LRRN1: variants seen among roughly 807,000 people sequenced by gnomAD.
The protein encoded by LRRN1 is leucine-rich repeat neuronal protein 1.
In LRRN1, 14 loss-of-function variants were observed where a neutral mutation model predicts 45.8. That is an observed-to-expected ratio of 0.31 (90% CI 0.20 to 0.48). The LOEUF is 0.48. Among genes scored for constraint, LRRN1 ranks in the 20% least tolerant of loss-of-function variants. The probability of loss-of-function intolerance (pLI) is 0.99; values close to 1 mark genes in which losing one functional copy is unlikely to be tolerated. For synonymous variants in LRRN1, 359 were observed against 330.1 expected, an observed-to-expected ratio of 1.09 and a Z score of -0.95; for missense variants, 789 against 874.2, an observed-to-expected ratio of 0.90 and a Z score of 1.23.
At chr3:3,834,580 A>G (rs1444124598) in intron 1 of LRRN1, among the ~76,000 whole-genome samples, 1 of 116,478 alleles carries the variant, frequency 8.6e-6, no homozygotes, top group Non-Finnish European at 1.8e-5. Flanking sequence ...TACATATTAT[A>G]TATCATATTT....
intron 1 of LRRN1, among the ~76,000 whole-genome samples, chr3:3,824,052 G>A (rs1423906066): frequency 6.6e-6 from 1 of 152,158 alleles, no homozygotes; most frequent in Non-Finnish European, 1.5e-5. Context: ...GTACCGTGCT[G>A]CTTCTCAAAC....
intron 1 of LRRN1, among the ~76,000 whole-genome samples, chr3:3,835,952 C>T (rs931021863): frequency 9.9e-5 from 15 of 151,968 alleles, no homozygotes; most frequent in African/African-American, 3.4e-4. Flanking sequence ...GCCTTAAAGC[C>T]ATGTTTTGTT....
intron 1 of LRRN1, among the ~76,000 whole-genome samples, chr3:3,828,650 A>G (rs1693283737): frequency 1.3e-5 from 2 of 152,220 alleles, no homozygotes; most frequent in Admixed American, 1.3e-4. Context: ...TACACCTAAC[A>G]TAACTATCCT....
At chr3:3,831,897 C>G in intron 1 of LRRN1, among the ~76,000 whole-genome samples, 1 of 151,958 alleles carries the variant, frequency 6.6e-6, no homozygotes, top group African/African-American at 2.4e-5. Context: ...TGGGGTAGGA[C>G]AGTAAAGGTA....
rs1325715458 is a variant in LRRN1 at position 3,847,897 on chromosome 3, C to T, written c.*1105C>T. Among the ~76,000 whole-genome samples, 3 of 151,688 alleles carry T rather than the reference C, an allele frequency of 2.0e-5. No homozygotes were observed. The highest frequency in any genetic ancestry group is 2.9e-5 in the Non-Finnish European group (2 of 67,968). ...AGAAAAAAAGGTGTATTGTTGTATC[C>T]CATGCATAAATAAAGGTAAATATAT... On this transcript the variant is annotated 3_prime_UTR_variant, in exon 2 of 2. Transcript: ENST00000319331.
chr3:3,834,528 A>G (rs1693448543), intron 1 of LRRN1, among the ~76,000 whole-genome samples: 1 of 94,278 alleles, frequency 1.1e-5, no homozygotes, highest in African/African-American at 3.9e-5. Flanking sequence ...AGAACAGGAT[A>G]TATATATATA....
intron 1 of LRRN1, among the ~76,000 whole-genome samples, chr3:3,815,356 C>T (rs1216178745): frequency 6.6e-6 from 1 of 152,132 alleles, no homozygotes; most frequent in Non-Finnish European, 1.5e-5. Context: ...GTGTACAGCT[C>T]CCCACCTCCC....
chr3:3,847,953 A>G lies in LRRN1; in HGVS notation c.*1161A>G, dbSNP rs1369094502. Among the ~76,000 whole-genome samples, 1 of 152,136 alleles carries G rather than the reference A, an allele frequency of 6.6e-6. No individual in the cohort carries two copies. Among genetic ancestry groups the G allele is most frequent in the Non-Finnish European group, 1.5e-5 (1 of 68,030 alleles). ...CACCAATATATTCATATATACTCAC[A>G]CACATCCCAACCTGTCACACACAAT... On this transcript the variant is annotated 3_prime_UTR_variant, in exon 2 of 2. Coordinates refer to ENST00000319331, the MANE Select transcript of LRRN1 (RefSeq NM_020873.7).
At chr3:3,809,553 A>G (rs1692835385) in intron 1 of LRRN1, among the ~76,000 whole-genome samples, 1 of 152,254 alleles carries the variant, frequency 6.6e-6, no homozygotes, top group South Asian at 2.1e-4. Context: ...TCCTCCTGAC[A>G]TGCAAGTGAA....
intron 1 of LRRN1, among the ~76,000 whole-genome samples, chr3:3,827,018 C>T (rs1258556702): frequency 6.6e-6 from 1 of 152,134 alleles, no homozygotes; most frequent in African/African-American, 2.4e-5. Flanking sequence ...GCCTTACTTT[C>T]ATCTTCAACA....
chr3:3,817,644 T>C (rs923228791), intron 1 of LRRN1, among the ~76,000 whole-genome samples: 1 of 152,228 alleles, frequency 6.6e-6, no homozygotes, highest in Non-Finnish European at 1.5e-5. Flanking sequence ...TAGAGAAATA[T>C]CACTAGATCA....
chr3:3,834,347 G>C (rs947620543), intron 1 of LRRN1, among the ~76,000 whole-genome samples: 6 of 151,090 alleles, frequency 4.0e-5, no homozygotes, highest in African/African-American at 1.5e-4. Context: ...ACGACTATCA[G>C]TGTTCTCCAT....
intron 1 of LRRN1, among the ~76,000 whole-genome samples, chr3:3,819,654 C>T (rs528790430): frequency 5.3e-5 from 8 of 152,290 alleles, no homozygotes; most frequent in African/African-American, 1.9e-4. Flanking sequence ...GGGGCCTAGC[C>T]TATAGCCTAC....
In LRRN1 at chr3:3,845,037, C is replaced by T. The variant is rs3749350; in HGVS notation, c.396C>T (p.Thr132=). 1,545 of 1,613,926 alleles carry T rather than the reference C, an allele frequency of 9.6e-4. 13 individuals are homozygous for T. The African/African-American group carries it at 0.019, about 20-fold the overall frequency. The part of the protein sequence containing the change: ...TTLHLEENQI[T]EMTDYCLQDL... ...TGCATTTGGAGGAAAATCAGATTACCGAGATGACTGATTACTGTCTACAAG... is the reference window on the plus strand; with the variant it reads ...TGCATTTGGAGGAAAATCAGATTACTGAGATGACTGATTACTGTCTACAAG... The change falls in exon 2 of 2, where the codon ACC becomes ACT. Residue 132 remains threonine (T), a synonymous_variant. Coordinates refer to ENST00000319331, the MANE Select transcript of LRRN1 (RefSeq NM_020873.7). The surrounding 1 kb of genome is among the most constrained non-coding windows in gnomAD (Gnocchi z 6.5).
Position 3,846,508 on chromosome 3 carries a change from A to C in LRRN1, c.1867A>C (p.Ile623Leu). The C allele has an allele frequency of 6.2e-7, 1 of 1,614,186 alleles. No individual in the cohort carries two copies. The highest frequency in any genetic ancestry group is 1.1e-5 in the South Asian group (1 of 91,084). ...TTKNAAFAVD[I>L]SDQETSTALA... ...CAAAAATGCCGCCTTCGCAGTGGAC[A>C]TCTCTGATCAAGAAACCAGTACAGC... Residue 623 changes from isoleucine (I) to leucine (L), a missense_variant, in exon 2 of 2, where the codon ATC becomes CTC. Ile to Leu is a conservative substitution (Grantham distance 5). Transcript: ENST00000319331. The surrounding 1 kb of genome is among the most constrained non-coding windows in gnomAD (Gnocchi z 5.7).
intron 1 of LRRN1, among the ~76,000 whole-genome samples, chr3:3,807,301 C>T (rs1431388252): frequency 1.3e-5 from 2 of 152,170 alleles, no homozygotes; most frequent in Non-Finnish European, 2.9e-5. Flanking sequence ...CAACCCAGAA[C>T]ATGTGGGAAG....
At chr3:3,812,769 T>TGTGGCTTTG (rs1240812275) in intron 1 of LRRN1, among the ~76,000 whole-genome samples, 40 of 149,160 alleles carry the variant, frequency 2.7e-4, no homozygotes, top group Admixed American at 8.8e-4. Context: ...TCCATTTCTG[T>TGTGGCTTTG]GTGGCTTTGA....
chr3:3,810,625 T>C (rs1252756974), intron 1 of LRRN1, among the ~76,000 whole-genome samples: 1 of 152,218 alleles, frequency 6.6e-6, no homozygotes, highest in African/African-American at 2.4e-5. Context: ...GAGGATCACC[T>C]GAACCCAGGA....
chr3:3,831,150 G>A (rs1693364225), intron 1 of LRRN1, among the ~76,000 whole-genome samples: 1 of 152,176 alleles, frequency 6.6e-6, no homozygotes, highest in African/African-American at 2.4e-5. Flanking sequence ...CAGCCTCTCA[G>A]TTCACTTGAT....
Sources: gnomAD v4.1 joint callset for allele counts (sites outside exome capture counted in the v4.1 genomes callset) on GRCh38, gnomAD v4.1.1 for gene constraint, Gnocchi (gnomAD v3.1) non-coding constraint, MANE v1.5 for transcripts, NCBI Gene and HGNC (gene_info 2026-07-23, HGNC 2026-07-21) for gene names.